Variants in ANKFY1 observed in about 807,000 individuals in gnomAD.
ANKFY1 encodes ankyrin repeat and FYVE domain-containing protein 1.
In ANKFY1, 47 loss-of-function variants were observed where a neutral mutation model predicts 128.3. The observed-to-expected ratio is 0.37, with a 90% CI of 0.29 to 0.47. The LOEUF is 0.47. Among genes scored for constraint, ANKFY1 ranks in the 20% least tolerant of loss-of-function variants. The pLI is 1.00. For synonymous variants in ANKFY1, 553 were observed against 601.6 expected (o/e 0.92, Z 1.18); for missense variants, 1,222 against 1,510.6 (o/e 0.81, Z 3.17).
In ANKFY1 at chr17:4,189,499, G is replaced by A. The variant is rs1258153472; in HGVS notation, c.1373-20C>T. On this transcript the variant is annotated intron_variant, in intron 10 of 24. Coordinates refer to ENST00000341657, the MANE Select transcript of ANKFY1 (RefSeq NM_001330063.2). ...AGTTTCCTAAAAGAAAATGGGCATT[G>A]CTGATTCTTCTGTTTGCATCAAAAT... The A allele has an allele frequency of 5.2e-6, 8 of 1,551,344 alleles. No homozygotes were observed. The highest frequency in any genetic ancestry group is 7.0e-6 in the Non-Finnish European group (8 of 1,142,134).
intron 11 of ANKFY1, among the ~76,000 whole-genome samples, chr17:4,189,131 G>A (rs932604768): frequency 1.1e-4 from 17 of 152,128 alleles, no homozygotes; most frequent in Admixed American, 3.3e-4. Context: ...CATCTAGTTC[G>A]GGGTCTGATA....
chr17:4,209,862 G>A lies in ANKFY1; in HGVS notation c.544C>T (p.Leu182=). 2 of 1,614,004 alleles carry A rather than the reference G, an allele frequency of 1.2e-6. No homozygotes were observed. Among genetic ancestry groups the A allele is most frequent in the Non-Finnish European group, 1.7e-6 (2 of 1,179,900 alleles). ...QTAEELNAST[L]MNYCAEIIAS... ...ATAATTTCTGCACAGTAGTTCATCA[G>A]TGTGCTGGCATTCAGCTCCTCTGCC... Residue 182 remains leucine (L), a synonymous_variant, in exon 5 of 25, where the codon CTG becomes TTG. Coordinates refer to ENST00000341657, the MANE Select transcript of ANKFY1 (RefSeq NM_001330063.2).
At chr17:4,196,144 TACACACACACACACACACACAC>T (rs35005172) in intron 8 of ANKFY1, among the ~76,000 whole-genome samples, 8 of 83,914 alleles carry the variant, frequency 9.5e-5, no homozygotes, top group East Asian at 3.4e-4. Flanking sequence ...CTGCATCTAC[TACACACACACACACACACACAC>T]ACACACACAC....
At chr17:4,216,705 G>C in intron 4 of ANKFY1, 1 of 430,666 alleles carries the variant, frequency 2.3e-6, no homozygotes, top group Non-Finnish European at 4.3e-6. Context: ...TTTGGACATT[G>C]GATTATATTA....
intron 17 of ANKFY1, 57 bp from the exon 18 acceptor site, chr17:4,179,114 T>C: frequency 6.5e-7 from 1 of 1,545,970 alleles, no homozygotes; most frequent in East Asian, 2.2e-5. Flanking sequence ...TCAGGAAAAA[T>C]ATGAAAGGGT....
chr17:4,259,063 G>A (rs1048825272), intron 1 of ANKFY1, among the ~76,000 whole-genome samples: 5 of 152,124 alleles, frequency 3.3e-5, no homozygotes, highest in African/African-American at 9.7e-5. Context: ...AGCATCAGTC[G>A]CTGTGGAAGA....
At chr17:4,235,736 T>C (rs760596411) in intron 3 of ANKFY1, 36 bp downstream of exon 3, 5 of 1,473,262 alleles carry the variant, frequency 3.4e-6, no homozygotes, top group Non-Finnish European at 4.7e-6. Context: ...GCCCTTCCGC[T>C]AGCAGTTTTG....
chr17:4,252,700 A>G (rs1292128277), intron 1 of ANKFY1, among the ~76,000 whole-genome samples: 1 of 152,226 alleles, frequency 6.6e-6, no homozygotes, highest in Non-Finnish European at 1.5e-5. Context: ...ATGGCCAACA[A>G]TTCCACTCCC....
Position 4,211,315 on chromosome 17 carries a change from T to C in ANKFY1, c.459-1368A>G, listed in dbSNP as rs189591835. ...GGGAGGCTGAGGCACAAGAATCACG[T>C]GAACCCGGGAGGCAGAGGTTGCAGT... On this transcript the variant is annotated intron_variant, in intron 4 of 24. Coordinates refer to ENST00000341657, the MANE Select transcript of ANKFY1 (RefSeq NM_001330063.2). 2.7e-5 allele frequency among the ~76,000 whole-genome samples: 4 copies of C among 150,624 alleles called. No individual in the cohort carries two copies. In the Admixed American group the frequency reaches 2.7e-4, roughly 10 times the overall value.
chr17:4,262,730 G>A (rs544408383), intron 1 of ANKFY1, among the ~76,000 whole-genome samples: 108 of 152,070 alleles, frequency 7.1e-4, no homozygotes, highest in Admixed American at 1.6e-3. Flanking sequence ...CGGTGGGACA[G>A]AGCGAGACCC....
intron 1 of ANKFY1, among the ~76,000 whole-genome samples, chr17:4,244,427 C>T (rs1967422973): frequency 6.6e-6 from 1 of 152,136 alleles, no homozygotes; most frequent in African/African-American, 2.4e-5. Flanking sequence ...GCTCTGGAGT[C>T]TTGAGAAGGG....
chr17:4,225,281 C>G (rs991818017), intron 3 of ANKFY1, among the ~76,000 whole-genome samples: 1 of 151,984 alleles, frequency 6.6e-6, no homozygotes, highest in Non-Finnish European at 1.5e-5. Context: ...CTCTTGAAGC[C>G]GGGAGGCAGA....
At chr17:4,246,686 C>G (rs925170918) in intron 1 of ANKFY1, among the ~76,000 whole-genome samples, 1 of 152,206 alleles carries the variant, frequency 6.6e-6, no homozygotes, top group Non-Finnish European at 1.5e-5. Flanking sequence ...TTTTGCTCCT[C>G]AAGACCTCCA....
chr17:4,197,896 G>A (rs1048771842), intron 7 of ANKFY1, among the ~76,000 whole-genome samples: 10 of 152,274 alleles, frequency 6.6e-5, no homozygotes, highest in Non-Finnish European at 1.0e-4. Context: ...TTGGGAGGCC[G>A]AGGTGGGCGG....
chr17:4,191,495 T>C (rs1011184612), intron 10 of ANKFY1, among the ~76,000 whole-genome samples: 1 of 146,418 alleles, frequency 6.8e-6, no homozygotes, highest in African/African-American at 2.5e-5. Context: ...CTGGAGACTC[T>C]TAGTTGATGG....
rs576182076 is a variant in ANKFY1 at position 4,220,486 on chromosome 17, T to A, written c.323-3368A>T. On this transcript the variant is annotated intron_variant, in intron 3 of 24. Coordinates refer to ENST00000341657, the MANE Select transcript of ANKFY1 (RefSeq NM_001330063.2). ...CACCTTCCCTACAGTAGCAGTTTCT[T>A]AAATACTATTTGCAAACTTGCCCGG... Among the ~76,000 whole-genome samples, 22 of 152,328 alleles carry A rather than the reference T, an allele frequency of 1.4e-4. No individual in the cohort carries two copies. In the South Asian group the frequency reaches 4.6e-3, roughly 32 times the overall value.
intron 1 of ANKFY1, among the ~76,000 whole-genome samples, chr17:4,261,505 A>C (rs1952421769): frequency 6.6e-6 from 1 of 152,246 alleles, no homozygotes; most frequent in African/African-American, 2.4e-5. Context: ...GAAGGAAAGA[A>C]AGACTGTGAA....
At chr17:4,173,870 A>C (rs768355504) in intron 20 of ANKFY1, 39 bp downstream of exon 20, 1 of 1,592,692 alleles carries the variant, frequency 6.3e-7, no homozygotes, top group East Asian at 2.2e-5. Context: ...CCTAGAATGG[A>C]GGGATCGTTC....
intron 7 of ANKFY1, among the ~76,000 whole-genome samples, chr17:4,204,205 G>A (rs1017342802): frequency 6.6e-6 from 1 of 152,192 alleles, no homozygotes; most frequent in African/African-American, 2.4e-5. Context: ...CCTGGTTATG[G>A]CATTTCCAAC....
Sources: gnomAD v4.1 joint callset for allele counts (sites outside exome capture counted in the v4.1 genomes callset) on GRCh38, gnomAD v4.1.1 for gene constraint, MANE v1.5 for transcripts, NCBI Gene and HGNC (gene_info 2026-07-23, HGNC 2026-07-21) for gene names.